Variants in USF1 observed in about 807,000 individuals in gnomAD.
USF1 encodes upstream transcription factor 1.
USF1 carries 22 observed loss-of-function variants against 46.3 expected under a neutral mutation model. The ratio of observed to expected loss-of-function variants is 0.47; its 90% CI spans 0.34 to 0.68. The LOEUF (loss-of-function observed/expected upper bound fraction) is 0.68. Among genes scored for constraint, USF1 ranks in the 30% least tolerant of loss-of-function variants. The pLI, the probability that USF1 is intolerant of heterozygous loss-of-function variation, is 0.01. For synonymous variants in USF1, 150 were observed against 147.0 expected, an observed-to-expected ratio of 1.02 and a Z score of -0.15; for missense variants, 287 against 399.3, an observed-to-expected ratio of 0.72 and a Z score of 2.40.
intron 1 of USF1, among the ~76,000 whole-genome samples, chr1:161,044,261 G>A (rs1375824335): frequency 1.3e-5 from 2 of 152,092 alleles, no homozygotes; most frequent in South Asian, 2.1e-4. Context: ...ATCTCTAAAT[G>A]GATCATTAAA....
At chr1:161,043,849 C>T (rs1000566529) in intron 1 of USF1, among the ~76,000 whole-genome samples, 1 of 150,868 alleles carries the variant, frequency 6.6e-6, no homozygotes, top group African/African-American at 2.4e-5. Flanking sequence ...GTCTCGAACT[C>T]CTGAGAGCAT....
intron 2 of USF1, among the ~76,000 whole-genome samples, 177 bp downstream of exon 2, chr1:161,043,091 C>A (rs900656119): frequency 6.6e-6 from 1 of 152,124 alleles, no homozygotes; most frequent in Non-Finnish European, 1.5e-5. Context: ...AAAAACAGCA[C>A]CACGAGATAG....
chr1:161,042,504 C>A, intron 4 of USF1, 51 bp downstream of exon 4: 1 of 1,598,940 alleles, frequency 6.3e-7, no homozygotes, highest in East Asian at 2.2e-5. Flanking sequence ...AATTACCTCC[C>A]TCAATCCCAA....
chr1:161,042,270 G>T, intron 4 of USF1, 53 bp from the exon 5 acceptor site: 2 of 1,550,166 alleles, frequency 1.3e-6, no homozygotes, highest in East Asian at 2.3e-5. Context: ...AAGATTAAGT[G>T]TTGGGAATCC....
rs1411022315 is a variant in USF1, at chr1:161,040,073, T to G, written c.844-64A>C. On this transcript the variant is annotated intron_variant, in intron 10 of 10. Transcript: ENST00000368021. This position sits in a 1 kb window ranked among gnomAD's most constrained non-coding sequence, Gnocchi z 4.0. ...AAGCTGGCACTTCCAAGCCCCTGAATGTATTCAGACATCCACTGGTGAGGG... is the reference window on the plus strand; with the variant it reads ...AAGCTGGCACTTCCAAGCCCCTGAAGGTATTCAGACATCCACTGGTGAGGG... 9 of 1,612,548 alleles carry G rather than the reference T, an allele frequency of 5.6e-6. No individual in the cohort carries two copies. The African/African-American group carries it at 1.1e-4, about 19-fold the overall frequency.
chr1:161,043,578 C>T (rs1169907094), intron 1 of USF1, among the ~76,000 whole-genome samples: 1 of 151,766 alleles, frequency 6.6e-6, no homozygotes, highest in Non-Finnish European at 1.5e-5. Flanking sequence ...ACTCCAACTC[C>T]TGGTGGAGAG....
chr1:161,042,131 A>G lies in USF1; in HGVS notation c.261T>C (p.Thr87=). ...GTGAISGYPA[T]QSMTQAVIQG... is the part of the protein sequence containing the mutation. ...TACCCTGTACCTGGGTCATGGATTG[A>G]GTGGCAGGGTAGCCACTGATGGCGC... Residue 87 remains threonine, a synonymous_variant, in exon 5 of 11, where the codon ACT becomes ACC. Coordinates refer to ENST00000368021, the MANE Select transcript of USF1 (RefSeq NM_007122.5). The G allele has an allele frequency of 1.9e-6, 3 of 1,613,482 alleles. No individual in the cohort carries two copies. The highest frequency in any genetic ancestry group is 2.5e-6 in the Non-Finnish European group (3 of 1,179,774).
At chr1:161,043,429 G>A in intron 1 of USF1, 69 bp from the exon 2 acceptor site, 1 of 1,241,768 alleles carries the variant, frequency 8.1e-7, no homozygotes, top group Non-Finnish European at 1.1e-6. Context: ...TAGAACTTAG[G>A]TTCCATGAAC....
intron 5 of USF1, 46 bp downstream of exon 5, chr1:161,042,070 C>A: frequency 6.4e-7 from 1 of 1,564,392 alleles, no homozygotes; most frequent in Non-Finnish European, 8.7e-7. Context: ...CCTTCTTCAT[C>A]TTACTTCTCA....
chr1:161,042,695 G>A, intron 3 of USF1, 25 bp from the exon 4 acceptor site: 1 of 1,613,888 alleles, frequency 6.2e-7, no homozygotes, highest in Non-Finnish European at 8.5e-7. Flanking sequence ...CAAAGGAAAA[G>A]TCTGTGAGTT....
chr1:161,041,911 C>G (rs1443473938), intron 5 of USF1, 65 bp from the exon 6 acceptor site: 1 of 1,512,716 alleles, frequency 6.6e-7, no homozygotes, highest in Non-Finnish European at 9.1e-7. Flanking sequence ...CTACACCACT[C>G]TGCAGCTTCT....
rs532505451 is a variant in USF1, at chr1:161,042,069, T to C, written c.276+47A>G. 14 of 1,562,600 alleles carry C rather than the reference T, an allele frequency of 9.0e-6. No homozygotes were observed. The South Asian group carries it at 1.3e-4, about 14-fold the overall frequency. On this transcript the variant is annotated intron_variant, in intron 5 of 10. Transcript: ENST00000368021. Reference sequence around the variant, plus strand: ...CCCATCCTACTGATTCCCTTCTTCATCTTACTTCTCAGAACTCTAGTGACC... The same window carrying C: ...CCCATCCTACTGATTCCCTTCTTCACCTTACTTCTCAGAACTCTAGTGACC...
chr1:161,041,916 G>C, intron 5 of USF1, 70 bp from the exon 6 acceptor site: 1 of 1,492,476 alleles, frequency 6.7e-7, no homozygotes, highest in Non-Finnish European at 9.2e-7. Context: ...CCACTCTGCA[G>C]CTTCTATCCG....
intron 5 of USF1, 80 bp from the exon 6 acceptor site, chr1:161,041,926 G>C (rs2774276): frequency 0.76 from 1,095,239 of 1,441,886 alleles, 417,106 homozygotes; most frequent in East Asian, 0.87. Flanking sequence ...GCTTCTATCC[G>C]TTGGGGTGGT....
Position 161,039,729 on chromosome 1 carries a change from G to T in USF1, c.*191C>A, listed in dbSNP as rs1650441438. 3.2e-6 allele frequency: 2 copies of T among 619,656 alleles called. No individual in the cohort carries two copies. The highest frequency in any genetic ancestry group is 3.9e-5 in the South Asian group (2 of 51,548). The allele number at this position is 619,656 out of a possible 1,614,324, so 38.4% of individuals were successfully genotyped here. A position where few individuals can be genotyped will look rare whatever the true frequency, so the allele number is the denominator to read the frequency against. ...GGTGGGGGTGGGCAAGGCTGTCAGT[G>T]CACGTCCACATTGTGTGTTTCACAC... On this transcript the variant is annotated 3_prime_UTR_variant, in exon 11 of 11. Transcript: ENST00000368021.
Position 161,040,724 on chromosome 1 carries a change from C to A in USF1, c.620-54G>T. 1.2e-6 allele frequency: 2 copies of A among 1,612,560 alleles called. No individual in the cohort carries two copies. The highest frequency in any genetic ancestry group is 8.5e-7 in the Non-Finnish European group (1 of 1,179,784). ...CTCAGTGAAAACTCGCCACAAGTCC[C>A]AGGGTAAAATTACCTAATCCCTCCT... On this transcript the variant is annotated intron_variant, in intron 8 of 10. Coordinates refer to ENST00000368021, the MANE Select transcript of USF1 (RefSeq NM_007122.5). This position sits in a 1 kb window ranked among gnomAD's most constrained non-coding sequence, Gnocchi z 4.0.
chr1:161,042,952 C>T (rs1038344440), intron 2 of USF1, 70 bp from the exon 3 acceptor site: 2 of 1,600,514 alleles, frequency 1.2e-6, no homozygotes, highest in South Asian at 1.1e-5. Flanking sequence ...GGCCCAGTAA[C>T]ATATGGCTGC....
At position 161,041,356 on chromosome 1, in the gene USF1, G is replaced by A. The variant is rs2102012660; in HGVS notation, c.528C>T (p.Arg176=). ...AAGGGTGAGTCCTAGGGGCAATTGA[G>A]CGCTGGCTTCCTCCCTGCAGTACTT... ...PQEVLQGGSQ[R]SIAPRTHPYS... Residue 176 remains arginine (R), a synonymous_variant, in exon 7 of 11, where the codon CGC becomes CGT. Transcript: ENST00000368021. 6.2e-7 allele frequency: 1 copy of A among 1,613,344 alleles called. No individual in the cohort carries two copies. Among genetic ancestry groups the A allele is most frequent in the East Asian group, 2.2e-5 (1 of 44,858 alleles).
intron 6 of USF1, 88 bp downstream of exon 6, chr1:161,041,563 G>A: frequency 2.0e-6 from 3 of 1,521,322 alleles, no homozygotes; most frequent in East Asian, 2.3e-5. Context: ...TGATCACTAA[G>A]AGTCATGAGT....
Sources: allele counts gnomAD v4.1 joint callset (sites outside exome capture counted in the v4.1 genomes callset), GRCh38; gene constraint gnomAD v4.1.1; non-coding constraint Gnocchi (gnomAD v3.1); transcripts MANE v1.5; gene names NCBI Gene and HGNC (gene_info 2026-07-23, HGNC 2026-07-21).